PARG: variants seen among roughly 807,000 people sequenced by gnomAD.
PARG encodes the protein poly(ADP-ribose) glycohydrolase.
PARG carries 35 observed loss-of-function variants against 113.0 expected under a neutral mutation model. The observed-to-expected ratio is 0.31, with a 90% CI of 0.24 to 0.41. The LOEUF (loss-of-function observed/expected upper bound fraction) is 0.41, where lower values mean the gene tolerates loss of function less well. Among genes scored for constraint, PARG ranks in the 10% least tolerant of loss-of-function variants. The probability of loss-of-function intolerance (pLI) is 1.00; values close to 1 mark genes in which losing one functional copy is unlikely to be tolerated. For missense variants in PARG, 797 were observed against 1,169.4 expected (o/e 0.68, Z 4.64); for synonymous variants, 330 against 409.9 (o/e 0.81, Z 2.36).
chr10:49,883,858 G>A (rs1308431786), intron 8 of PARG, among the ~76,000 whole-genome samples: 1 of 144,628 alleles, frequency 6.9e-6, no homozygotes, highest in African/African-American at 2.5e-5. Context: ...CTGGGTACTG[G>A]CTAGCTTCCA....
At chr10:49,923,553 A>G (rs1261480487) in intron 4 of PARG, among the ~76,000 whole-genome samples, 16 of 152,216 alleles carry the variant, frequency 1.1e-4, no homozygotes, top group South Asian at 2.1e-4. Flanking sequence ...TGAGCAGGGC[A>G]GGACAGGGCC....
chr10:49,827,481 T>C (rs915853343), intron 16 of PARG, among the ~76,000 whole-genome samples: 2 of 152,220 alleles, frequency 1.3e-5, no homozygotes, highest in East Asian at 3.8e-4. Context: ...CTGTTCCTGA[T>C]TGGGCCAGTA....
chr10:49,913,380 A>G (rs1554846818), intron 7 of PARG, among the ~76,000 whole-genome samples: 1 of 152,246 alleles, frequency 6.6e-6, no homozygotes, highest in Non-Finnish European at 1.5e-5. Context: ...TGAGCAGACA[A>G]TTTATCAATT....
At chr10:49,905,298 T>C (rs1436656132) in intron 7 of PARG, among the ~76,000 whole-genome samples, 464 of 150,274 alleles carry the variant, frequency 3.1e-3, no homozygotes, top group Non-Finnish European at 4.1e-3. Context: ...CCTAGAGTAA[T>C]AAGGAAATAT....
chr10:49,821,208 C>T (rs1844058947), intron 16 of PARG, among the ~76,000 whole-genome samples: 1 of 152,112 alleles, frequency 6.6e-6, no homozygotes, highest in Non-Finnish European at 1.5e-5. Flanking sequence ...ATCAAAGTTA[C>T]AAATCACTGA....
chr10:49,887,350 A>G (rs1217329433), intron 7 of PARG, among the ~76,000 whole-genome samples: 2 of 152,196 alleles, frequency 1.3e-5, no homozygotes, highest in Non-Finnish European at 2.9e-5. Context: ...AATGTGTATC[A>G]TTCTATGCCA....
intron 16 of PARG, among the ~76,000 whole-genome samples, chr10:49,824,469 A>C (rs1844253843): frequency 6.6e-6 from 1 of 152,264 alleles, no homozygotes; most frequent in Non-Finnish European, 1.5e-5. Context: ...TAATCACTTA[A>C]ATTAACCTGC....
In PARG at chr10:49,941,793, G is replaced by A. The variant is rs1338934119; in HGVS notation, c.-68C>T. 7 of 1,537,026 alleles carry A rather than the reference G, an allele frequency of 4.6e-6. No individual in the cohort carries two copies. Among genetic ancestry groups the A allele is most frequent in the South Asian group, 3.6e-5 (3 of 83,530 alleles). ...AGAGCCTCATTCACTAACCCTGAGA[G>A]AGATGGACTGCGCCTCCTTCTCAGC... On this transcript the variant is annotated 5_prime_UTR_variant, in exon 1 of 18. Coordinates refer to ENST00000616448, the MANE Select transcript of PARG (RefSeq NM_003631.5).
In PARG at chr10:49,858,422, T is replaced by C. The variant is rs1384779397; in HGVS notation, c.2206-969A>G. 3.2e-4 allele frequency among the ~76,000 whole-genome samples: 45 copies of C among 142,656 alleles called. 1 individual carries two copies. The highest frequency in any genetic ancestry group is 7.4e-3 in the Middle Eastern group (2 of 270). The allele number at this position is 142,656 out of a possible 152,430, so 93.6% of individuals were successfully genotyped here. A position where few individuals can be genotyped will look rare whatever the true frequency, so the allele number is the denominator to read the frequency against. On this transcript the variant is annotated intron_variant, in intron 12 of 17. Transcript: ENST00000616448. ...CACAAGTAAAATAGGATTTACTAAA[T>C]ACCATGAGGCTTATATTCTTTCAAA... is the stretch of plus-strand genomic sequence containing the variant.
Position 49,893,592 on chromosome 10 carries a change from C to T in PARG, c.1738-8297G>A, listed in dbSNP as rs185361239. On this transcript the variant is annotated intron_variant, in intron 7 of 17. Transcript: ENST00000616448. ...AGTGTCGTGATGCAATCACATCTCA[C>T]TGCAGTCTTGACCTCCCAGGCATCA... is the stretch of plus-strand genomic sequence containing the variant. Among the ~76,000 whole-genome samples, 588 of 152,320 alleles carry T rather than the reference C, an allele frequency of 3.9e-3. 7 individuals carry two copies. Among genetic ancestry groups the T allele is most frequent in the African/African-American group, 0.014 (565 of 41,572 alleles).
intron 12 of PARG, among the ~76,000 whole-genome samples, chr10:49,860,295 C>T (rs1554835714): frequency 6.6e-6 from 1 of 151,302 alleles, no homozygotes; most frequent in East Asian, 1.9e-4. Context: ...AATGAAAGGT[C>T]AGCATTCCTG....
At chr10:49,934,766 G>A (rs1283137548) in intron 2 of PARG, among the ~76,000 whole-genome samples, 11 of 151,656 alleles carry the variant, frequency 7.3e-5, no homozygotes, top group African/African-American at 1.5e-4. Flanking sequence ...GGAGAATGGC[G>A]TGAACCCAGG....
At chr10:49,914,954 G>A (rs1253776206) in intron 7 of PARG, among the ~76,000 whole-genome samples, 1 of 151,918 alleles carries the variant, frequency 6.6e-6, no homozygotes, top group Non-Finnish European at 1.5e-5. Flanking sequence ...ATATTCACAT[G>A]GAAAATAATA....
At chr10:49,925,746 G>A (rs1293374777) in intron 4 of PARG, among the ~76,000 whole-genome samples, 1 of 152,220 alleles carries the variant, frequency 6.6e-6, no homozygotes, top group African/African-American at 2.4e-5. Flanking sequence ...GCCCTCTTAG[G>A]GGCCTGCCAG....
intron 1 of PARG, among the ~76,000 whole-genome samples, chr10:49,935,408 T>C (rs1838697827): frequency 6.6e-6 from 1 of 152,266 alleles, no homozygotes; most frequent in Non-Finnish European, 1.5e-5. Flanking sequence ...ATTCAAATCC[T>C]GATTCTCCCA....
At chr10:49,869,678 AATG>A (rs1381665289) in intron 9 of PARG, 123 bp from the exon 10 acceptor site, 2 of 589,052 alleles carry the variant, frequency 3.4e-6, no homozygotes, top group Admixed American at 3.0e-5. Flanking sequence ...ACAATTCTGT[AATG>A]ATAAGAACTG....
intron 15 of PARG, among the ~76,000 whole-genome samples, chr10:49,835,510 T>A (rs549016681): frequency 3.3e-5 from 5 of 151,764 alleles, no homozygotes; most frequent in African/African-American, 1.2e-4. Context: ...AACATAAAGG[T>A]AATTTGGGAG....
intron 13 of PARG, among the ~76,000 whole-genome samples, chr10:49,845,118 T>C (rs1554833116): frequency 6.6e-6 from 1 of 152,150 alleles, no homozygotes; most frequent in Non-Finnish European, 1.5e-5. Context: ...CAACACTAAA[T>C]GTTGACGAGG....
chr10:49,837,120 C>G (rs571043787), intron 15 of PARG, among the ~76,000 whole-genome samples: 7 of 152,256 alleles, frequency 4.6e-5, no homozygotes, highest in South Asian at 2.1e-4. Flanking sequence ...CTGGTCCCCC[C>G]CTTTAAAAAC....
Sources: gnomAD v4.1 joint callset for allele counts (sites outside exome capture counted in the v4.1 genomes callset) on GRCh38, gnomAD v4.1.1 for gene constraint, MANE v1.5 for transcripts, NCBI Gene and HGNC (gene_info 2026-07-23, HGNC 2026-07-21) for gene names.